The following SLC27A4 variants were observed in gnomAD, a reference collection of about 807,000 sequenced individuals.
The protein encoded by SLC27A4 is solute carrier family 27 member 4.
In SLC27A4, 33 loss-of-function variants were observed where a neutral mutation model predicts 64.4. That is an observed-to-expected ratio of 0.51 (90% CI 0.39 to 0.68). SLC27A4 has a LOEUF of 0.68. SLC27A4 is among the 30% of genes least tolerant of loss of function. The pLI is 0.00. For synonymous variants in SLC27A4, 377 were observed against 370.0 expected, an observed-to-expected ratio of 1.02 and a Z score of -0.22; for missense variants, 824 against 883.5, an observed-to-expected ratio of 0.93 and a Z score of 0.85.
chr9:128,353,464 T>G lies in SLC27A4; in HGVS notation c.1247T>G (p.Ile416Ser). The G allele has an allele frequency of 6.2e-7, 1 of 1,614,050 alleles. No homozygotes were observed. The highest frequency in any genetic ancestry group is 8.5e-7 in the Non-Finnish European group (1 of 1,180,012). The part of the protein sequence containing the change: ...NSRILSFVYP[I>S]RLVRVNEDTM... ...CGCATCCTGTCCTTCGTGTACCCCA[T>G]CCGGTTGGTACGTGTCAACGAGGAC... The change falls in exon 9 of 13, where the codon ATC becomes AGC. Residue 416 changes from isoleucine (I) to serine (S), a missense_variant. By Grantham distance (142) the Ile-to-Ser change is moderately radical. Transcript: ENST00000300456. The surrounding 1 kb of genome is among the most constrained non-coding windows in gnomAD (Gnocchi z 4.9).
chr9:128,354,326 CTG>C lies in SLC27A4; in HGVS notation c.1325-723_1325-722del, dbSNP rs145177543. 3.7e-3 allele frequency among the ~76,000 whole-genome samples: 569 copies of C among 152,276 alleles called. 18 individuals are homozygous for C. The East Asian group carries it at 0.086, about 23-fold the overall frequency. Reference sequence around the variant, plus strand: ...TTTATTCTGGCTCAGCTCCTTAGCTCTGTGTCATGGGCGAGTATTCAGCCTCA... The same window carrying C: ...TTTATTCTGGCTCAGCTCCTTAGCTCTGTCATGGGCGAGTATTCAGCCTCA... On this transcript the variant is annotated intron_variant, in intron 9 of 12. Coordinates refer to ENST00000300456, the MANE Select transcript of SLC27A4 (RefSeq NM_005094.4).
At chr9:128,350,435 C>A in intron 5 of SLC27A4, 49 bp from the exon 6 acceptor site, 1 of 1,612,052 alleles carries the variant, frequency 6.2e-7, no homozygotes, top group Non-Finnish European at 8.5e-7. Flanking sequence ...GGGGAGCCTC[C>A]TTCTGCCTTT....
rs149776553 is a variant in SLC27A4 at position 128,345,527 on chromosome 9, C to G, written c.534C>G (p.Val178=). 5.5e-5 allele frequency: 89 copies of G among 1,607,302 alleles called. No homozygotes were observed. Among genetic ancestry groups the G allele is most frequent in the South Asian group, 8.8e-5 (8 of 90,442 alleles). ...CLTTSRARAL[V]FGSEMASAIC... is the part of the protein sequence containing the mutation. ...CCACCTCGCGCGCACGGGCCCTTGT[C>G]TTTGGCAGCGAAATGGCCTCAGGTG... The change falls in exon 3 of 13, where the codon GTC becomes GTG. Residue 178 remains valine, a synonymous_variant. Transcript: ENST00000300456. This position sits in a 1 kb window ranked among gnomAD's most constrained non-coding sequence, Gnocchi z 4.1.
chr9:128,340,844 C>T lies in SLC27A4; in HGVS notation c.-7+6C>T, dbSNP rs1377331937. On this transcript the variant is annotated splice_donor_region_variant and intron_variant, in intron 1 of 12. Coordinates refer to ENST00000300456, the MANE Select transcript of SLC27A4 (RefSeq NM_005094.4). ...CGCGGCGGAGCCGACGCCGGGTGAG[C>T]ATAGACCGGGCTGGTGGGTTCCCGG... 4 of 677,980 alleles carry T rather than the reference C, an allele frequency of 5.9e-6. No homozygotes were observed. In the African/African-American group the frequency reaches 7.3e-5, roughly 12 times the overall value. 42.0% of individuals were successfully genotyped at this position (677,980 alleles called of 1,614,324 possible). A position where few individuals can be genotyped will look rare whatever the true frequency, so the allele number is the denominator to read the frequency against.
intron 12 of SLC27A4, among the ~76,000 whole-genome samples, 183 bp downstream of exon 12, chr9:128,355,979 G>C (rs970780761): frequency 3.3e-5 from 5 of 152,156 alleles, no homozygotes; most frequent in African/African-American, 1.2e-4. Context: ...TTCCTTAGTA[G>C]AACACATATT....
rs967034756 is a variant in SLC27A4 at position 128,353,119 on chromosome 9, A to G, written c.1082A>G (p.Asn361Ser). 35 of 1,614,090 alleles carry G rather than the reference A, an allele frequency of 2.2e-5. No homozygotes were observed. Among genetic ancestry groups the G allele is most frequent in the Non-Finnish European group, 2.6e-5 (31 of 1,180,044 alleles). The change falls in exon 8 of 13, where the codon AAT becomes AGT. Residue 361 changes from asparagine (N) to serine (S), a missense_variant. Coordinates refer to ENST00000300456, the MANE Select transcript of SLC27A4 (RefSeq NM_005094.4). This position sits in a 1 kb window ranked among gnomAD's most constrained non-coding sequence, Gnocchi z 4.9. Reference protein sequence around the residue: ...NQHQVRMALGNGLRQSIWTNF... With the variant: ...NQHQVRMALGSGLRQSIWTNF... ...CACCAGGTTCGCATGGCACTAGGCA[A>G]TGGCCTCCGGCAGTCCATCTGGACC...
At chr9:128,344,601 C>T (rs930819229) in intron 2 of SLC27A4, among the ~76,000 whole-genome samples, 1 of 152,122 alleles carries the variant, frequency 6.6e-6, no homozygotes, top group East Asian at 1.9e-4. Context: ...TCTACTCTGC[C>T]TGGCACAGGA....
At position 128,357,606 on chromosome 9, in the gene SLC27A4, G is replaced by A. The variant is rs574849187; in HGVS notation, c.1774+1810G>A. 9.8e-5 allele frequency among the ~76,000 whole-genome samples: 15 copies of A among 152,296 alleles called. No individual in the cohort carries two copies. The South Asian group carries it at 2.5e-3, about 25-fold the overall frequency. Reference sequence around the variant, plus strand: ...CAGGTGGGAGGTGGGCAGCGGGCCCGCAGTCGCCCACAAGGCAGCACCATC... The same window carrying A: ...CAGGTGGGAGGTGGGCAGCGGGCCCACAGTCGCCCACAAGGCAGCACCATC... On this transcript the variant is annotated intron_variant, in intron 12 of 12. Transcript: ENST00000300456.
intron 10 of SLC27A4, 87 bp downstream of exon 10, chr9:128,355,277 C>G: frequency 6.3e-7 from 1 of 1,598,180 alleles, no homozygotes; most frequent in Non-Finnish European, 8.6e-7. Context: ...CTTCCCAGGA[C>G]TCCCCCAGTC....
chr9:128,344,511 G>A (rs566133049), intron 2 of SLC27A4, among the ~76,000 whole-genome samples: 177 of 150,822 alleles, frequency 1.2e-3, no homozygotes, highest in African/African-American at 4.2e-3. Context: ...AGAGTGTGAC[G>A]CCATCTCAAA....
rs142818212 is a variant in SLC27A4 at position 128,357,676 on chromosome 9, G to C, written c.1774+1880G>C. Among the ~76,000 whole-genome samples, 664 of 152,300 alleles carry C rather than the reference G, an allele frequency of 4.4e-3. 2 individuals carry two copies. The highest frequency in any genetic ancestry group is 0.014 in the African/African-American group (602 of 41,568). ...TGGTGGCTCTCAAGAGTTCCCTGGTGGGCAGGAAATGCTGAGGCTCATGCC... is the reference window on the plus strand; with the variant it reads ...TGGTGGCTCTCAAGAGTTCCCTGGTCGGCAGGAAATGCTGAGGCTCATGCC... On this transcript the variant is annotated intron_variant, in intron 12 of 12. Transcript: ENST00000300456.
In SLC27A4 at chr9:128,355,581, G is replaced by A. The variant is rs573511021; in HGVS notation, c.1627+19G>A. Reference sequence around the variant, plus strand: ...GTGCCAGGTATGTGCAGGCAGGCGCGAGGTGTGGGTAGGGAGGCACCACCC... The same window carrying A: ...GTGCCAGGTATGTGCAGGCAGGCGCAAGGTGTGGGTAGGGAGGCACCACCC... On this transcript the variant is annotated intron_variant, in intron 11 of 12. Coordinates refer to ENST00000300456, the MANE Select transcript of SLC27A4 (RefSeq NM_005094.4). 1.4e-4 allele frequency: 222 copies of A among 1,608,122 alleles called. 2 individuals carry two copies. The South Asian group carries it at 2.3e-3, about 16-fold the overall frequency.
At chr9:128,348,758 A>G in intron 4 of SLC27A4, 55 bp downstream of exon 4, 3 of 1,580,324 alleles carry the variant, frequency 1.9e-6, no homozygotes, top group East Asian at 4.5e-5. Context: ...TGGACAGAGC[A>G]CTGGCCTCAG....
intron 12 of SLC27A4, among the ~76,000 whole-genome samples, chr9:128,356,134 ATTAGAG>A (rs1484308894): frequency 6.6e-6 from 1 of 152,200 alleles, no homozygotes; most frequent in African/African-American, 2.4e-5. Flanking sequence ...CTGTCATGAG[ATTAGAG>A]TTAAACAGAT....
intron 12 of SLC27A4, among the ~76,000 whole-genome samples, chr9:128,358,839 C>T (rs112419697): frequency 8.4e-4 from 128 of 152,314 alleles, no homozygotes; most frequent in Middle Eastern, 3.4e-3. Flanking sequence ...CTCTGCTCCA[C>T]GTGGCCTCTC....
rs1177812189 is a variant in SLC27A4 at position 128,353,582 on chromosome 9, G to A, written c.1324+41G>A. The A allele has an allele frequency of 6.2e-7, 1 of 1,608,170 alleles. No individual in the cohort carries two copies. Among genetic ancestry groups the A allele is most frequent in the African/African-American group, 1.3e-5 (1 of 74,956 alleles). ...GTCAGAGAGGGAGGGGTTGGCCTGG[G>A]AAGGAAGGAGGCCAGGCGCGTGTGG... On this transcript the variant is annotated intron_variant, in intron 9 of 12. Coordinates refer to ENST00000300456, the MANE Select transcript of SLC27A4 (RefSeq NM_005094.4). This position sits in a 1 kb window ranked among gnomAD's most constrained non-coding sequence, Gnocchi z 4.9.
At chr9:128,350,909 C>T (rs1213145669) in intron 6 of SLC27A4, among the ~76,000 whole-genome samples, 2 of 152,022 alleles carry the variant, frequency 1.3e-5, no homozygotes, top group Non-Finnish European at 1.5e-5. Flanking sequence ...CTGGCTAACA[C>T]GGTGAAACCC....
intron 12 of SLC27A4, among the ~76,000 whole-genome samples, chr9:128,359,575 A>G (rs1832869776): frequency 2.0e-5 from 3 of 152,232 alleles, no homozygotes; most frequent in Admixed American, 2.0e-4. Flanking sequence ...CAGTGAGCCA[A>G]GATCGTGCCA....
rs1418901826 is a variant in SLC27A4 at position 128,350,539 on chromosome 9, A to G, written c.841A>G (p.Ile281Val). 4.3e-6 allele frequency: 7 copies of G among 1,613,632 alleles called. No individual in the cohort carries two copies. The highest frequency in any genetic ancestry group is 5.1e-6 in the Non-Finnish European group (6 of 1,179,906). The stretch of plus-strand genomic sequence containing the variant: ...TGGATTCCGCATGCGGCCCAACGAC[A>G]TCGTCTATGACTGCCTCCCCCTCTA... ...YYGFRMRPND[I>V]VYDCLPLYHS... The change falls in exon 6 of 13, where the codon ATC becomes GTC. Residue 281 changes from isoleucine (I) to valine (V), a missense_variant. Transcript: ENST00000300456.
Sources: gnomAD v4.1 joint callset for allele counts (sites outside exome capture counted in the v4.1 genomes callset) on GRCh38, gnomAD v4.1.1 for gene constraint, Gnocchi (gnomAD v3.1) non-coding constraint, MANE v1.5 for transcripts, NCBI Gene and HGNC (gene_info 2026-07-23, HGNC 2026-07-21) for gene names.